The following DOK6 variants were observed in gnomAD, a reference collection of about 807,000 sequenced individuals.
The protein encoded by DOK6 is downstream of tyrosine kinase 6.
A neutral mutation model predicts 44.0 loss-of-function variants in DOK6; 22 were observed. That is an observed-to-expected ratio of 0.50 (90% confidence interval 0.36 to 0.71). The LOEUF (loss-of-function observed/expected upper bound fraction) is 0.71, where lower values mean the gene tolerates loss of function less well. Ranked by LOEUF, DOK6 falls within the 30% of genes least tolerant of loss-of-function variation. DOK6 has a pLI of 0.00. For missense variants in DOK6, 340 were observed against 416.4 expected, an observed-to-expected ratio of 0.82 and a Z score of 1.60; for synonymous variants, 166 against 145.5, an observed-to-expected ratio of 1.14 and a Z score of -1.01.
chr18:69,756,213 G>A (rs540839753), intron 6 of DOK6, among the ~76,000 whole-genome samples: 21 of 152,252 alleles, frequency 1.4e-4, no homozygotes, highest in Middle Eastern at 3.4e-3. Context: ...GTCTCCTGCC[G>A]TTATTATTGT....
intron 6 of DOK6, among the ~76,000 whole-genome samples, chr18:69,756,622 T>G (rs1979364352): frequency 6.6e-6 from 1 of 152,238 alleles, no homozygotes; most frequent in Admixed American, 6.5e-5. Context: ...TTGAACGACC[T>G]GGTGTGTCAT....
intron 1 of DOK6, among the ~76,000 whole-genome samples, chr18:69,425,639 T>C (rs989682074): frequency 2.0e-5 from 3 of 151,998 alleles, no homozygotes; most frequent in Non-Finnish European, 4.4e-5. Flanking sequence ...TAATTTAAAA[T>C]AAAAATACAA....
intron 1 of DOK6, among the ~76,000 whole-genome samples, chr18:69,435,085 AGG>A (rs1568256623): frequency 9.3e-4 from 141 of 151,192 alleles, no homozygotes; most frequent in African/African-American, 2.5e-3. Context: ...GAAGGAAGGA[AGG>A]AAGGAAAGAA....
chr18:69,732,453 T>A (rs967074916), intron 5 of DOK6, among the ~76,000 whole-genome samples: 1 of 152,176 alleles, frequency 6.6e-6, no homozygotes, highest in Admixed American at 6.5e-5. Context: ...GGTGGGTTTT[T>A]TTGATTCTGA....
intron 4 of DOK6, among the ~76,000 whole-genome samples, chr18:69,685,648 T>C (rs1479275774): frequency 2.0e-5 from 3 of 152,226 alleles, no homozygotes; most frequent in Middle Eastern, 3.2e-3. Flanking sequence ...ATTCTAGTGA[T>C]GCTCATATAT....
intron 1 of DOK6, among the ~76,000 whole-genome samples, chr18:69,509,666 C>T (rs1476618568): frequency 7.6e-6 from 1 of 131,326 alleles, no homozygotes; most frequent in East Asian, 2.2e-4. Flanking sequence ...AAAAAAAACA[C>T]ACAAGTCAGA....
chr18:69,738,086 G>A (rs1321601027), intron 5 of DOK6, among the ~76,000 whole-genome samples: 1 of 152,154 alleles, frequency 6.6e-6, no homozygotes, highest in Non-Finnish European at 1.5e-5. Flanking sequence ...TGGCTCTATA[G>A]GGCCCTAAGG....
chr18:69,644,231 A>G (rs1044524364), intron 3 of DOK6, among the ~76,000 whole-genome samples: 7 of 152,182 alleles, frequency 4.6e-5, no homozygotes, highest in African/African-American at 1.2e-4. Context: ...TCCTTTTCAC[A>G]TAGGTTTTTA....
chr18:69,516,682 C>CTTT (rs34710946), intron 1 of DOK6, among the ~76,000 whole-genome samples: 2 of 149,554 alleles, frequency 1.3e-5, no homozygotes. Context: ...AAGTACTATA[C>CTTT]TTTTTTTTTT....
At chr18:69,576,306 A>T (rs1983237676) in intron 2 of DOK6, among the ~76,000 whole-genome samples, 1 of 152,172 alleles carries the variant, frequency 6.6e-6, no homozygotes, top group African/African-American at 2.4e-5. Flanking sequence ...GTGAGTGTTT[A>T]AATATCTTGA....
chr18:69,780,691 G>A (rs111834193), intron 7 of DOK6, among the ~76,000 whole-genome samples: 3 of 152,210 alleles, frequency 2.0e-5, no homozygotes, highest in Non-Finnish European at 2.9e-5. Context: ...CTTTCTATAC[G>A]GAATACAACA....
chr18:69,510,617 T>C (rs761624983), intron 1 of DOK6, among the ~76,000 whole-genome samples: 28 of 152,208 alleles, frequency 1.8e-4, no homozygotes, highest in Non-Finnish European at 1.3e-4. Flanking sequence ...AAATGGTCTA[T>C]ATATCTGTAT....
chr18:69,573,990 G>A (rs1478532728), intron 2 of DOK6, among the ~76,000 whole-genome samples: 1 of 151,976 alleles, frequency 6.6e-6, no homozygotes, highest in Non-Finnish European at 1.5e-5. Flanking sequence ...AGTGAGATAA[G>A]TAACATACGG....
intron 1 of DOK6, among the ~76,000 whole-genome samples, chr18:69,497,526 C>G (rs1980926667): frequency 6.6e-6 from 1 of 152,196 alleles, no homozygotes; most frequent in African/African-American, 2.4e-5. Context: ...GTCTCAAGCA[C>G]TGGTTATTCT....
chr18:69,715,625 G>A (rs140783099), intron 5 of DOK6, among the ~76,000 whole-genome samples: 16 of 152,312 alleles, frequency 1.1e-4, no homozygotes, highest in African/African-American at 3.8e-4. Context: ...TGACTTTGCA[G>A]ATGAATGAAT....
intron 1 of DOK6, among the ~76,000 whole-genome samples, chr18:69,537,785 ATC>A (rs1240639396): frequency 3.3e-5 from 5 of 152,138 alleles, no homozygotes; most frequent in African/African-American, 1.2e-4. Context: ...TTCCAGTAAA[ATC>A]TCTTTTTCAG....
At chr18:69,670,529 G>C (rs1287407210) in intron 3 of DOK6, among the ~76,000 whole-genome samples, 2 of 55,282 alleles carry the variant, frequency 3.6e-5, no homozygotes, top group South Asian at 1.2e-3. Context: ...TTTTTTTTTT[G>C]AGTCAGAGTC....
intron 3 of DOK6, among the ~76,000 whole-genome samples, chr18:69,635,039 A>T (rs12457320): frequency 1.3e-5 from 2 of 152,010 alleles, no homozygotes; most frequent in African/African-American, 2.4e-5. Context: ...ATTTACTGCC[A>T]CATCTGCCAG....
At chr18:69,671,240 G>A (rs1985791686) in intron 3 of DOK6, among the ~76,000 whole-genome samples, 1 of 152,140 alleles carries the variant, frequency 6.6e-6, no homozygotes, top group African/African-American at 2.4e-5. Context: ...TTTCTCTTTG[G>A]CCATGTTTGA....
Sources: gnomAD v4.1 joint callset for allele counts (sites outside exome capture counted in the v4.1 genomes callset) on GRCh38, gnomAD v4.1.1 for gene constraint, MANE v1.5 for transcripts, NCBI Gene and HGNC (gene_info 2026-07-23, HGNC 2026-07-21) for gene names.